Variants in ABLIM2 observed in about 807,000 individuals in gnomAD.
The protein encoded by ABLIM2 is actin-binding LIM protein 2.
A neutral mutation model predicts 97.7 loss-of-function variants in ABLIM2; 53 were observed. That is an observed-to-expected ratio of 0.54 (90% CI 0.44 to 0.68). The LOEUF is 0.68. Among genes scored for constraint, ABLIM2 ranks in the 30% least tolerant of loss-of-function variants. The pLI is 0.00. For missense variants in ABLIM2, 835 were observed against 867.2 expected (o/e 0.96, Z 0.47); for synonymous variants, 361 against 345.8 (o/e 1.04, Z -0.49).
At chr4:8,060,360 T>C (rs1802190710) in intron 7 of ABLIM2, among the ~76,000 whole-genome samples, 1 of 152,212 alleles carries the variant, frequency 6.6e-6, no homozygotes, top group Non-Finnish European at 1.5e-5. Context: ...ACACTTATTT[T>C]TAATGGTGAG....
intron 4 of ABLIM2, among the ~76,000 whole-genome samples, chr4:8,081,519 C>A (rs771923335): frequency 3.9e-5 from 6 of 152,242 alleles, no homozygotes; most frequent in Admixed American, 2.0e-4. Context: ...CATGGGCATG[C>A]TCCCCTGGCA....
Position 8,045,255 on chromosome 4 carries a change from G to T in ABLIM2, c.823-14C>A. On this transcript the variant is annotated splice_polypyrimidine_tract_variant and intron_variant, in intron 8 of 20. Transcript: ENST00000447017. Reference sequence around the variant, plus strand: ...AGTTCTGGTTTCCTGAGAAAGGAGAGAGGAAGAGATTGAAGGCAGGTACCA... The same window carrying T: ...AGTTCTGGTTTCCTGAGAAAGGAGATAGGAAGAGATTGAAGGCAGGTACCA... 1 of 1,611,280 alleles carries T rather than the reference G, an allele frequency of 6.2e-7. No individual in the cohort carries two copies. The highest frequency in any genetic ancestry group is 8.5e-7 in the Non-Finnish European group (1 of 1,177,348).
chr4:7,973,307 C>G (rs1729803378), intron 20 of ABLIM2, among the ~76,000 whole-genome samples: 1 of 151,772 alleles, frequency 6.6e-6, no homozygotes, highest in South Asian at 2.1e-4. Context: ...TCGTGACCAG[C>G]CTGGCCAACA....
chr4:7,975,227 T>C (rs1441827706), intron 20 of ABLIM2, among the ~76,000 whole-genome samples: 1 of 152,060 alleles, frequency 6.6e-6, no homozygotes, highest in Non-Finnish European at 1.5e-5. Flanking sequence ...CAAAAAAAAA[T>C]TCATTTTCCA....
At chr4:7,997,861 T>C (rs549737135) in intron 16 of ABLIM2, among the ~76,000 whole-genome samples, 88 of 152,314 alleles carry the variant, frequency 5.8e-4, no homozygotes, top group African/African-American at 2.0e-3. Flanking sequence ...TCAGTGTTAG[T>C]ATCTGCTGTC....
intron 4 of ABLIM2, among the ~76,000 whole-genome samples, chr4:8,084,949 C>T (rs1822378737): frequency 6.6e-6 from 1 of 152,172 alleles, no homozygotes; most frequent in South Asian, 2.1e-4. Flanking sequence ...AGGCTCGTGA[C>T]CAGCAATGGG....
chr4:8,121,971 C>G, intron 1 of ABLIM2, among the ~76,000 whole-genome samples: 1 of 152,238 alleles, frequency 6.6e-6, no homozygotes, highest in South Asian at 2.1e-4. Flanking sequence ...CAAGCCAGCT[C>G]TCAACTCCCT....
At chr4:8,007,298 T>C in intron 16 of ABLIM2, 1 of 985,384 alleles carries the variant, frequency 1.0e-6, no homozygotes, top group Non-Finnish European at 1.2e-6. Context: ...AGATTTGAAC[T>C]TGGGACTGCC....
In ABLIM2 at chr4:7,985,982, C is replaced by T. The variant is rs142727739; in HGVS notation, c.1681-1089G>A. 3.0e-3 allele frequency among the ~76,000 whole-genome samples: 458 copies of T among 152,352 alleles called. 2 individuals are homozygous for T. Among genetic ancestry groups the T allele is most frequent in the African/African-American group, 0.011 (438 of 41,594 alleles). ...CTGCCCCTTGCTGGGGCCCGGGGTTCGCACTATGAGCCCTGAGCCATGCTC... is the reference window on the plus strand; with the variant it reads ...CTGCCCCTTGCTGGGGCCCGGGGTTTGCACTATGAGCCCTGAGCCATGCTC... On this transcript the variant is annotated intron_variant, in intron 17 of 20. Coordinates refer to ENST00000447017, the MANE Select transcript of ABLIM2 (RefSeq NM_001130083.2).
chr4:8,142,642 C>T (rs10034840), intron 1 of ABLIM2, among the ~76,000 whole-genome samples: 65 of 152,190 alleles, frequency 4.3e-4, no homozygotes, highest in African/African-American at 1.5e-3. Context: ...TGGGCGCTGG[C>T]ATCCTTGATG....
At position 8,005,205 on chromosome 4, in the gene ABLIM2, C is replaced by T. The variant is rs993870106; in HGVS notation, c.1618+2854G>A. 1.2e-4 allele frequency: 53 copies of T among 450,410 alleles called. No individual in the cohort carries two copies. Among genetic ancestry groups the T allele is most frequent in the South Asian group, 7.3e-4 (44 of 60,558 alleles). 27.9% of individuals were successfully genotyped at this position (450,410 alleles called of 1,614,324 possible). ...CGGGATGCGTGTGCGCTCGCTCTGT[C>T]GGCGTCTCTGCCTCTCTCAGCTCCC... is the stretch of plus-strand genomic sequence containing the variant. On this transcript the variant is annotated intron_variant, in intron 16 of 20. Coordinates refer to ENST00000447017, the MANE Select transcript of ABLIM2 (RefSeq NM_001130083.2). The surrounding 1 kb of genome is among the most constrained non-coding windows in gnomAD (Gnocchi z 4.9).
intron 12 of ABLIM2, chr4:8,020,874 C>T (rs1314244875): frequency 8.1e-6 from 1 of 123,210 alleles, no homozygotes; most frequent in Non-Finnish European, 1.5e-5. Context: ...TTTTTTGGGA[C>T]AGTGTCTCAC....
At position 8,138,796 on chromosome 4, in the gene ABLIM2, G is replaced by T. The variant is rs959972279; in HGVS notation, c.10+19884C>A. On this transcript the variant is annotated intron_variant, in intron 1 of 20. Coordinates refer to ENST00000447017, the MANE Select transcript of ABLIM2 (RefSeq NM_001130083.2). ...CTAGGCAATACCATTCAGGACACAG[G>T]TATGGGCAAAGATTTCATGACAAAA... Among the ~76,000 whole-genome samples, 3 of 152,200 alleles carry T rather than the reference G, an allele frequency of 2.0e-5. No individual in the cohort carries two copies. In the East Asian group the frequency reaches 5.8e-4, roughly 29 times the overall value.
rs1005960141 is a variant in ABLIM2 at position 8,075,137 on chromosome 4, T to C, written c.675+2491A>G. Among the ~76,000 whole-genome samples the C allele has an allele frequency of 1.3e-5, 2 of 152,202 alleles. No homozygotes were observed. Among genetic ancestry groups the C allele is most frequent in the Admixed American group, 6.5e-5 (1 of 15,284 alleles). ...AAATATGATGCGAGAGTAAAGCTTA[T>C]GTCCGAACGAACCTTGAAAACATCA... is the stretch of plus-strand genomic sequence containing the variant. On this transcript the variant is annotated intron_variant, in intron 6 of 20. Coordinates refer to ENST00000447017, the MANE Select transcript of ABLIM2 (RefSeq NM_001130083.2). The surrounding 1 kb of genome is among the most constrained non-coding windows in gnomAD (Gnocchi z 4.4).
Position 8,003,581 on chromosome 4 carries a change from T to C in ABLIM2, c.1618+4478A>G, listed in dbSNP as rs1437708486. Among the ~76,000 whole-genome samples the C allele has an allele frequency of 2.0e-5, 3 of 149,830 alleles. No homozygotes were observed. The highest frequency in any genetic ancestry group is 3.0e-5 in the Non-Finnish European group (2 of 67,550). On this transcript the variant is annotated intron_variant, in intron 16 of 20. Coordinates refer to ENST00000447017, the MANE Select transcript of ABLIM2 (RefSeq NM_001130083.2). The surrounding 1 kb of genome is among the most constrained non-coding windows in gnomAD (Gnocchi z 4.2). ...GTTTTCTTTTTTTTTTTTTTTTTTT[T>C]TGGAGATGGAGTCTCGCTCTGTCGC...
chr4:8,071,754 G>C lies in ABLIM2; in HGVS notation c.675+5874C>G. On this transcript the variant is annotated intron_variant, in intron 6 of 20. Transcript: ENST00000447017. This position sits in a 1 kb window ranked among gnomAD's most constrained non-coding sequence, Gnocchi z 6.2. Reference sequence around the variant, plus strand: ...CCCCCATCAGCCCCTTGGAGTTGCGGGCCAGGTTTCCTACCTGCACAGCTT... The same window carrying C: ...CCCCCATCAGCCCCTTGGAGTTGCGCGCCAGGTTTCCTACCTGCACAGCTT... 1 of 985,434 alleles carries C rather than the reference G, an allele frequency of 1.0e-6. No individual in the cohort carries two copies. The allele number at this position is 985,434 out of a possible 1,614,324, so 61.0% of individuals were successfully genotyped here.
In ABLIM2 at chr4:7,965,347, T is replaced by C. The variant is rs1303404238; in HGVS notation, c.*1643A>G. On this transcript the variant is annotated 3_prime_UTR_variant, in exon 21 of 21. Coordinates refer to ENST00000447017, the MANE Select transcript of ABLIM2 (RefSeq NM_001130083.2). Reference sequence around the variant, plus strand: ...GCAAGTTATAATGCATCGTCTTTTATTTTCCAGGCTTCCTGGGATCAGATA... The same window carrying C: ...GCAAGTTATAATGCATCGTCTTTTACTTTCCAGGCTTCCTGGGATCAGATA... 6.6e-6 allele frequency: 1 copy of C among 152,670 alleles called. No individual in the cohort carries two copies. The highest frequency in any genetic ancestry group is 1.5e-5 in the Non-Finnish European group (1 of 68,042). 9.5% of individuals were successfully genotyped at this position (152,670 alleles called of 1,614,324 possible). A position where few individuals can be genotyped will look rare whatever the true frequency, so the allele number is the denominator to read the frequency against.
chr4:7,978,925 C>T (rs7699715), intron 20 of ABLIM2, among the ~76,000 whole-genome samples: 41,410 of 152,030 alleles, frequency 0.27, 5,932 homozygotes, highest in Middle Eastern at 0.33. Flanking sequence ...GAGGATGAGA[C>T]GGCAGGGGCG....
Position 8,032,083 on chromosome 4 carries a change from G to T in ABLIM2, c.1048-2307C>A, listed in dbSNP as rs1235444636. ...GGGAAGAGCTCAGGGCACGGTCACT[G>T]CCCAGGCTGTCTATTCCTGGCTACC... On this transcript the variant is annotated intron_variant, in intron 10 of 20. Transcript: ENST00000447017. This position sits in a 1 kb window ranked among gnomAD's most constrained non-coding sequence, Gnocchi z 4.3. Among the ~76,000 whole-genome samples, 1 of 151,990 alleles carries T rather than the reference G, an allele frequency of 6.6e-6. No individual in the cohort carries two copies.
Sources: gnomAD v4.1 joint callset for allele counts (sites outside exome capture counted in the v4.1 genomes callset) on GRCh38, gnomAD v4.1.1 for gene constraint, Gnocchi (gnomAD v3.1) non-coding constraint, MANE v1.5 for transcripts, NCBI Gene and HGNC (gene_info 2026-07-23, HGNC 2026-07-21) for gene names.